Variants in CNTN4 observed in about 807,000 individuals in gnomAD.
The protein encoded by CNTN4 is contactin 4.
A neutral mutation model predicts 122.5 loss-of-function variants in CNTN4; 77 were observed. That is an observed-to-expected ratio of 0.63 (90% CI 0.52 to 0.76). The LOEUF (loss-of-function observed/expected upper bound fraction) is 0.76, where lower values mean the gene tolerates loss of function less well. CNTN4 is among the 30% of genes least tolerant of loss of function. The pLI is 0.00. For synonymous variants in CNTN4, 512 were observed against 447.0 expected (o/e 1.15, Z -1.83); for missense variants, 1,256 against 1,259.1 (o/e 1.00, Z 0.04).
At chr3:2,360,955 C>G (rs1394663199) in intron 3 of CNTN4, among the ~76,000 whole-genome samples, 1 of 152,106 alleles carries the variant, frequency 6.6e-6, no homozygotes, top group Non-Finnish European at 1.5e-5. Context: ...TTCAGGATTT[C>G]CTCTAGCGTA....
intron 2 of CNTN4, among the ~76,000 whole-genome samples, chr3:2,109,170 G>A (rs764468071): frequency 3.3e-5 from 5 of 152,138 alleles, no homozygotes; most frequent in East Asian, 1.9e-4. Flanking sequence ...TTCATAGTTC[G>A]GAAAGAGAAA....
At chr3:2,257,248 G>A (rs1225223249) in intron 2 of CNTN4, among the ~76,000 whole-genome samples, 3 of 152,202 alleles carry the variant, frequency 2.0e-5, no homozygotes, top group Admixed American at 2.0e-4. Flanking sequence ...GCAGAAAACT[G>A]AAACTGGAAC....
chr3:2,436,400 C>T (rs910138663), intron 3 of CNTN4, among the ~76,000 whole-genome samples: 4 of 152,098 alleles, frequency 2.6e-5, no homozygotes, highest in African/African-American at 9.7e-5. Flanking sequence ...CTGAAGGACT[C>T]AGCAACTGAT....
intron 9 of CNTN4, among the ~76,000 whole-genome samples, chr3:2,886,284 C>T (rs2093976985): frequency 6.6e-6 from 1 of 151,438 alleles, no homozygotes; most frequent in African/African-American, 2.4e-5. Context: ...GTAGTCCTAG[C>T]TACTTGGGAG....
At chr3:2,207,299 C>T (rs1559342464) in intron 2 of CNTN4, among the ~76,000 whole-genome samples, 1 of 152,070 alleles carries the variant, frequency 6.6e-6, no homozygotes, top group Non-Finnish European at 1.5e-5. Context: ...TCATACATCT[C>T]TCACTTTAAA....
At chr3:2,925,209 A>T (rs2094462048) in intron 12 of CNTN4, among the ~76,000 whole-genome samples, 2 of 152,156 alleles carry the variant, frequency 1.3e-5, no homozygotes, top group South Asian at 4.1e-4. Flanking sequence ...TACATACTTT[A>T]AAAAAATTAG....
intron 3 of CNTN4, among the ~76,000 whole-genome samples, chr3:2,463,565 G>A (rs999041824): frequency 6.6e-6 from 1 of 152,124 alleles, no homozygotes; most frequent in Non-Finnish European, 1.5e-5. Context: ...TTCGAGACCA[G>A]CCTGGGCAAC....
intron 14 of CNTN4, among the ~76,000 whole-genome samples, chr3:2,993,593 C>T (rs1201358504): frequency 1.0e-5 from 1 of 95,988 alleles, no homozygotes; most frequent in East Asian, 3.0e-4. Context: ...AGCCACTGCG[C>T]CCCCCGAGAC....
rs2077188422 is a variant in CNTN4, at chr3:2,520,904, T to A, written c.-88-50512T>A. 2.6e-5 allele frequency among the ~76,000 whole-genome samples: 4 copies of A among 152,086 alleles called. No homozygotes were observed. The South Asian group carries it at 8.3e-4, about 32-fold the overall frequency. On this transcript the variant is annotated intron_variant, in intron 3 of 24. Transcript: ENST00000418658. ...TTATTATTAATTAAATTCCTGCCATTTACCTCATACTGTTTGTTCTAGAGT... is the reference window on the plus strand; with the variant it reads ...TTATTATTAATTAAATTCCTGCCATATACCTCATACTGTTTGTTCTAGAGT...
chr3:2,787,787 G>GT (rs1400246900), intron 6 of CNTN4, among the ~76,000 whole-genome samples: 12 of 77,334 alleles, frequency 1.6e-4, no homozygotes, highest in Admixed American at 1.9e-4. Flanking sequence ...TGTTTTGTGG[G>GT]TTTTTGTTTT....
intron 2 of CNTN4, among the ~76,000 whole-genome samples, chr3:2,337,247 T>C (rs2043993045): frequency 6.6e-6 from 1 of 152,142 alleles, no homozygotes; most frequent in African/African-American, 2.4e-5. Flanking sequence ...TTGGCCAGGA[T>C]TCCCTCTGGA....
chr3:2,721,945 C>A (rs962428835), intron 4 of CNTN4, among the ~76,000 whole-genome samples: 2 of 152,156 alleles, frequency 1.3e-5, no homozygotes, highest in African/African-American at 4.8e-5. Flanking sequence ...CTGCCTTTCC[C>A]CTTTGCTATG....
intron 3 of CNTN4, among the ~76,000 whole-genome samples, chr3:2,540,308 A>G (rs981606507): frequency 6.6e-6 from 1 of 151,984 alleles, no homozygotes; most frequent in Non-Finnish European, 1.5e-5. Context: ...GTGGGATTGC[A>G]TCATGTTGCT....
intron 7 of CNTN4, among the ~76,000 whole-genome samples, chr3:2,835,595 A>G (rs987196150): frequency 3.9e-5 from 6 of 152,212 alleles, no homozygotes; most frequent in Non-Finnish European, 7.4e-5. Context: ...TTATAGGTCA[A>G]TTTTATACAA....
Position 2,887,120 on chromosome 3 carries a change from T to C in CNTN4, c.836T>C (p.Ile279Thr). 1 of 1,614,156 alleles carries C rather than the reference T, an allele frequency of 6.2e-7. No individual in the cohort carries two copies. The highest frequency in any genetic ancestry group is 8.5e-7 in the Non-Finnish European group (1 of 1,180,014). ...GCCAGAAGACACAAGTCAAATGGAA[T>C]TCTTGAGATCCCTAATTTTCAGCAG... ...RKARRHKSNG[I>T]LEIPNFQQED... Residue 279 changes from isoleucine to threonine, a missense_variant, in exon 10 of 25, where the codon ATT becomes ACT. Physicochemically the swap from Ile to Thr is moderately conservative, Grantham distance 89 (BLOSUM62 -1). Coordinates refer to ENST00000418658, the MANE Select transcript of CNTN4 (RefSeq NM_175607.3).
At chr3:2,521,514 G>A (rs1163172017) in intron 3 of CNTN4, among the ~76,000 whole-genome samples, 1 of 152,054 alleles carries the variant, frequency 6.6e-6, no homozygotes, top group East Asian at 1.9e-4. Flanking sequence ...GAATGAATAT[G>A]TGAGGAAGGA....
At chr3:2,805,992 C>G (rs2092459174) in intron 6 of CNTN4, among the ~76,000 whole-genome samples, 1 of 151,922 alleles carries the variant, frequency 6.6e-6, no homozygotes, top group African/African-American at 2.4e-5. Context: ...AGCTCCATCT[C>G]CCGGGTTCAC....
chr3:2,749,420 G>A (rs2089979902), intron 6 of CNTN4, among the ~76,000 whole-genome samples: 3 of 149,080 alleles, frequency 2.0e-5, no homozygotes, highest in African/African-American at 7.4e-5. Context: ...TGATCCACCC[G>A]CCTCAGCCTC....
At chr3:2,994,009 A>G (rs960550395) in intron 14 of CNTN4, among the ~76,000 whole-genome samples, 2 of 152,218 alleles carry the variant, frequency 1.3e-5, no homozygotes, top group Non-Finnish European at 2.9e-5. Context: ...ACACTGGAAC[A>G]ATAATTCAAT....
Sources: allele counts gnomAD v4.1 joint callset (sites outside exome capture counted in the v4.1 genomes callset), GRCh38; gene constraint gnomAD v4.1.1; transcripts MANE v1.5; gene names NCBI Gene and HGNC (gene_info 2026-07-23, HGNC 2026-07-21).